Variants in CTNNA2 observed in about 807,000 individuals in gnomAD.
CTNNA2 encodes catenin alpha-2.
A neutral mutation model predicts 101.0 loss-of-function variants in CTNNA2; 42 were observed. The ratio of observed to expected loss-of-function variants is 0.42; its 90% confidence interval spans 0.32 to 0.54. The LOEUF is 0.54. Ranked by LOEUF, CTNNA2 falls within the 20% of genes least tolerant of loss-of-function variation. The pLI is 0.14. For synonymous variants in CTNNA2, 450 were observed against 456.4 expected, an observed-to-expected ratio of 0.99 and a Z score of 0.18; for missense variants, 871 against 1,223.1, an observed-to-expected ratio of 0.71 and a Z score of 4.29.
intron 7 of CTNNA2, among the ~76,000 whole-genome samples, chr2:80,015,471 G>C (rs1229063852): frequency 6.6e-6 from 1 of 152,058 alleles, no homozygotes; most frequent in Non-Finnish European, 1.5e-5. Context: ...TCTCTGATGG[G>C]GTACTTACTG....
In CTNNA2 at chr2:79,280,685, A is replaced by AGAGAGAGAGAGAGAGAG. The variant is rs1553390858; in HGVS notation, c.-405-32024_-405-32023insGAGAGAGAGAGAGAGAG. 8.1e-3 allele frequency among the ~76,000 whole-genome samples: 718 copies of AGAGAGAGAGAGAGAGAG among 88,406 alleles called. 50 individuals are homozygous for AGAGAGAGAGAGAGAGAG. Among genetic ancestry groups the AGAGAGAGAGAGAGAGAG allele is most frequent in the Admixed American group, 0.024 (239 of 9,944 alleles). The allele number at this position is 88,406 out of a possible 152,430, so 58.0% of individuals were successfully genotyped here. A position where few individuals can be genotyped will look rare whatever the true frequency, so the allele number is the denominator to read the frequency against. The stretch of plus-strand genomic sequence containing the variant: ...AGAAAGAGAGAGAGAGAGAGAGAGA[A>AGAGAGAGAGAGAGAGAG]AGAGAGAGAGAGAGAGACCTATAGC... On this transcript the variant is annotated intron_variant, in intron 2 of 21. Coordinates refer to the CTNNA2 transcript ENST00000466387.
At chr2:79,583,797 A>G (rs973076373) in intron 1 of CTNNA2, among the ~76,000 whole-genome samples, 7 of 152,160 alleles carry the variant, frequency 4.6e-5, no homozygotes, top group African/African-American at 1.7e-4. Flanking sequence ...AGACTCTTAT[A>G]GTGTCCTTGC....
At chr2:79,967,002 T>C (rs1367412825) in intron 7 of CTNNA2, among the ~76,000 whole-genome samples, 1 of 152,078 alleles carries the variant, frequency 6.6e-6, no homozygotes, top group African/African-American at 2.4e-5. Context: ...TAGCAGGTCC[T>C]GTCTATTTGT....
chr2:79,960,578 G>A (rs796322061), intron 7 of CTNNA2, among the ~76,000 whole-genome samples: 1 of 152,206 alleles, frequency 6.6e-6, no homozygotes, highest in South Asian at 2.1e-4. Flanking sequence ...AACCACTGAA[G>A]AATGCATCTT....
chr2:79,818,824 TATATATATATATA>T (rs1677753676), intron 3 of CTNNA2, among the ~76,000 whole-genome samples: 1 of 117,620 alleles, frequency 8.5e-6, no homozygotes, highest in African/African-American at 3.1e-5. Context: ...AATGCAATTA[TATATATATATATA>T]TATATATATA....
intron 4 of CTNNA2, among the ~76,000 whole-genome samples, chr2:79,400,634 T>C (rs1450735638): frequency 6.6e-6 from 1 of 151,872 alleles, no homozygotes; most frequent in South Asian, 2.1e-4. Context: ...AATAAATAAG[T>C]AGAGCTTCAG....
chr2:80,129,366 C>T (rs564197147), intron 7 of CTNNA2, among the ~76,000 whole-genome samples: 199 of 152,262 alleles, frequency 1.3e-3, no homozygotes, highest in Non-Finnish European at 2.4e-3. Context: ...AAAGGAGTAG[C>T]GAGTTAAAGC....
chr2:79,682,447 C>A lies in CTNNA2; in HGVS notation c.102+30789C>A, dbSNP rs897551948. On this transcript the variant is annotated intron_variant, in intron 2 of 18. Transcript: ENST00000402739. ...AAAAAAAAAAAGAAGAAAGAAAAAT[C>A]TGAATCTATATTGGTTTGAAGTAAT... Among the ~76,000 whole-genome samples, 35 of 145,314 alleles carry A rather than the reference C, an allele frequency of 2.4e-4. No individual in the cohort carries two copies. In the East Asian group the frequency reaches 7.0e-3, roughly 29 times the overall value.
intron 12 of CTNNA2, among the ~76,000 whole-genome samples, chr2:80,566,944 G>A (rs1398540994): frequency 6.6e-6 from 1 of 152,164 alleles, no homozygotes; most frequent in Non-Finnish European, 1.5e-5. Context: ...GTGCATGTGT[G>A]TAAAATTAGG....
chr2:79,547,931 C>T (rs1489540171), intron 1 of CTNNA2: 1 of 152,230 alleles, frequency 6.6e-6, no homozygotes, highest in Admixed American at 6.5e-5. Flanking sequence ...GTGTGAGTTA[C>T]ATGATGTTAA....
chr2:80,437,691 G>A (rs943110752), intron 9 of CTNNA2, among the ~76,000 whole-genome samples: 1 of 152,172 alleles, frequency 6.6e-6, no homozygotes, highest in Non-Finnish European at 1.5e-5. Flanking sequence ...ATTTGCTAGA[G>A]CTGCCATTAA....
At chr2:80,485,330 A>G (rs572626791) in intron 9 of CTNNA2, among the ~76,000 whole-genome samples, 14 of 152,328 alleles carry the variant, frequency 9.2e-5, no homozygotes, top group African/African-American at 3.1e-4. Flanking sequence ...CTTTACTCTT[A>G]CATTGACTAT....
In CTNNA2 at chr2:80,303,540, G is replaced by A. The variant is rs1330007818; in HGVS notation, c.1057-89671G>A. ...CAGATGTGATTGTGATCCAGATAGA[G>A]CCACGTGAGCTGCATTAACCCCGTG... On this transcript the variant is annotated intron_variant, in intron 7 of 18. Coordinates refer to ENST00000402739, the MANE Select transcript of CTNNA2 (RefSeq NM_001282597.3). This position sits in a 1 kb window ranked among gnomAD's most constrained non-coding sequence, Gnocchi z 7.7. 1 of 1,614,246 alleles carries A rather than the reference G, an allele frequency of 6.2e-7. No individual in the cohort carries two copies. Among genetic ancestry groups the A allele is most frequent in the East Asian group, 2.2e-5 (1 of 44,876 alleles).
chr2:79,378,558 C>T (rs1678004253), intron 4 of CTNNA2, among the ~76,000 whole-genome samples: 1 of 152,098 alleles, frequency 6.6e-6, no homozygotes, highest in Non-Finnish European at 1.5e-5. Flanking sequence ...CCAAATTATC[C>T]TTCAAATGTC....
intron 7 of CTNNA2, among the ~76,000 whole-genome samples, chr2:80,182,995 G>A (rs142964064): frequency 4.1e-3 from 628 of 152,274 alleles, no homozygotes; most frequent in African/African-American, 0.011. Context: ...TGATCACTTC[G>A]GTTAGGACAG....
In CTNNA2 at chr2:79,691,090, G is replaced by C. The variant is rs368295673; in HGVS notation, c.102+39432G>C. On this transcript the variant is annotated intron_variant, in intron 2 of 18. Transcript: ENST00000402739. Reference sequence around the variant, plus strand: ...ATGCAGAACAAACAGGAAATATGAGGGTAGCTCCAAATGACTGTTGACTCT... The same window carrying C: ...ATGCAGAACAAACAGGAAATATGAGCGTAGCTCCAAATGACTGTTGACTCT... 6.6e-5 allele frequency among the ~76,000 whole-genome samples: 10 copies of C among 151,934 alleles called. No individual in the cohort carries two copies. The East Asian group carries it at 1.2e-3, about 18-fold the overall frequency.
intron 7 of CTNNA2, among the ~76,000 whole-genome samples, chr2:80,007,515 G>T (rs1693457911): frequency 1.3e-5 from 2 of 152,154 alleles, no homozygotes; most frequent in South Asian, 4.1e-4. Context: ...ATGTAGACAT[G>T]TGTTCAGTCT....
At chr2:79,747,261 GA>G (rs1671709334) in intron 3 of CTNNA2, among the ~76,000 whole-genome samples, 1 of 152,106 alleles carries the variant, frequency 6.6e-6, no homozygotes, top group Non-Finnish European at 1.5e-5. Context: ...AGGTGCATTC[GA>G]AAACTGATAT....
intron 2 of CTNNA2, among the ~76,000 whole-genome samples, chr2:79,265,273 C>T (rs189343129): frequency 9.1e-4 from 138 of 152,218 alleles, no homozygotes; most frequent in African/African-American, 3.2e-3. Flanking sequence ...CAGGTGACTC[C>T]GGTGATTAGT....
Sources: allele counts gnomAD v4.1 joint callset (sites outside exome capture counted in the v4.1 genomes callset), GRCh38; gene constraint gnomAD v4.1.1; non-coding constraint Gnocchi (gnomAD v3.1); transcripts MANE v1.5; gene names NCBI Gene and HGNC (gene_info 2026-07-23, HGNC 2026-07-21).